The following GUCY1A2 variants were observed in gnomAD, a reference collection of about 807,000 sequenced individuals.
GUCY1A2 encodes guanylate cyclase 1 soluble subunit alpha 2.
Under a neutral mutation model 63.5 loss-of-function variants are expected in GUCY1A2, and 27 were observed. The observed-to-expected ratio is 0.43, with a 90% CI of 0.31 to 0.59. The LOEUF is 0.59. Among genes scored for constraint, GUCY1A2 ranks in the 20% least tolerant of loss-of-function variants. GUCY1A2 has a pLI of 0.11. For missense variants in GUCY1A2, 768 were observed against 913.3 expected (o/e 0.84, Z 2.05); for synonymous variants, 364 against 343.5 (o/e 1.06, Z -0.66).
chr11:106,754,090 C>T (rs1332727044), intron 6 of GUCY1A2, among the ~76,000 whole-genome samples: 5 of 152,102 alleles, frequency 3.3e-5, no homozygotes, highest in African/African-American at 1.2e-4. Flanking sequence ...AAGTTGGATT[C>T]CCAGGTATTT....
At chr11:106,999,013 A>C (rs546956994) in intron 1 of GUCY1A2, among the ~76,000 whole-genome samples, 2 of 152,294 alleles carry the variant, frequency 1.3e-5, no homozygotes, top group East Asian at 3.9e-4. Context: ...TACGTGGCAG[A>C]GTCTTGTGGG....
chr11:106,898,501 A>C (rs1860082056), intron 4 of GUCY1A2, among the ~76,000 whole-genome samples: 1 of 152,184 alleles, frequency 6.6e-6, no homozygotes, highest in African/African-American at 2.4e-5. Flanking sequence ...ATGAAATTTT[A>C]TTCAGTGCTA....
intron 4 of GUCY1A2, among the ~76,000 whole-genome samples, chr11:106,881,542 ATTC>A (rs1194981291): frequency 2.6e-5 from 4 of 152,030 alleles, no homozygotes; most frequent in Non-Finnish European, 4.4e-5. Flanking sequence ...CTTATGGTGT[ATTC>A]TTATTTTAAA....
At chr11:106,995,221 G>A (rs559889656) in intron 1 of GUCY1A2, among the ~76,000 whole-genome samples, 136 of 152,312 alleles carry the variant, frequency 8.9e-4, no homozygotes, top group Non-Finnish European at 1.4e-3. Flanking sequence ...TGTGCTGAGT[G>A]CAACACTGGA....
intron 4 of GUCY1A2, among the ~76,000 whole-genome samples, chr11:106,913,082 G>T (rs930308254): frequency 6.6e-6 from 1 of 151,830 alleles, no homozygotes; most frequent in Admixed American, 6.6e-5. Context: ...AGTTACAAAT[G>T]TAAGTTGATG....
At chr11:106,710,163 CAT>C (rs1295289246) in intron 6 of GUCY1A2, among the ~76,000 whole-genome samples, 4 of 74,208 alleles carry the variant, frequency 5.4e-5, no homozygotes, top group African/African-American at 1.6e-4. Context: ...ATATTATATA[CAT>C]GTATATAATA....
intron 1 of GUCY1A2, among the ~76,000 whole-genome samples, chr11:106,998,171 C>G (rs564509422): frequency 6.6e-6 from 1 of 152,234 alleles, no homozygotes; most frequent in East Asian, 1.9e-4. Flanking sequence ...AGACCTCCAG[C>G]AAAAGACATC....
At chr11:106,902,998 T>C (rs1860155559) in intron 4 of GUCY1A2, among the ~76,000 whole-genome samples, 3 of 152,158 alleles carry the variant, frequency 2.0e-5, no homozygotes, top group African/African-American at 7.2e-5. Flanking sequence ...TATGAATCTA[T>C]GTCTTGCAAA....
chr11:106,963,705 C>A (rs1355480834), intron 3 of GUCY1A2, among the ~76,000 whole-genome samples: 1 of 152,130 alleles, frequency 6.6e-6, no homozygotes, highest in Admixed American at 6.5e-5. Context: ...TTGATGCATT[C>A]ATAGGTGATA....
intron 6 of GUCY1A2, among the ~76,000 whole-genome samples, chr11:106,737,907 A>T (rs1490500665): frequency 6.6e-6 from 1 of 152,166 alleles, no homozygotes; most frequent in East Asian, 1.9e-4. Context: ...TTGGGTATAT[A>T]TCCAGTAATG....
chr11:107,003,678 A>AAT (rs1861636923), intron 1 of GUCY1A2, among the ~76,000 whole-genome samples: 1 of 152,178 alleles, frequency 6.6e-6, no homozygotes, highest in Admixed American at 6.5e-5. Context: ...CTAAATTCAA[A>AAT]ATATCCAAAT....
intron 4 of GUCY1A2, among the ~76,000 whole-genome samples, chr11:106,914,949 C>A (rs1165696466): frequency 6.6e-6 from 1 of 152,008 alleles, no homozygotes; most frequent in Non-Finnish European, 1.5e-5. Flanking sequence ...ACAGAGTGGG[C>A]TGAAACATTT....
At chr11:106,743,650 T>A (rs1863735548) in intron 6 of GUCY1A2, among the ~76,000 whole-genome samples, 1 of 152,346 alleles carries the variant, frequency 6.6e-6, no homozygotes, top group South Asian at 2.1e-4. Context: ...ATACTAATTT[T>A]GTATTTATTT....
chr11:106,824,514 G>A (rs1039259908), intron 4 of GUCY1A2, among the ~76,000 whole-genome samples: 5 of 151,956 alleles, frequency 3.3e-5, no homozygotes, highest in African/African-American at 9.7e-5. Context: ...CCAGTGGTTA[G>A]AAACCACTGT....
chr11:106,917,803 G>A lies in GUCY1A2; in HGVS notation c.1206+21657C>T. 2.1e-5 allele frequency among the ~76,000 whole-genome samples: 2 copies of A among 93,186 alleles called. 1 individual carries two copies. Among genetic ancestry groups the A allele is most frequent in the South Asian group, 1.2e-3 (2 of 1,664 alleles). The allele number at this position is 93,186 out of a possible 152,430, so 61.1% of individuals were successfully genotyped here. ...CACCGGGGCCTGTTGTGGGGTGGGG[G>A]GAGGGGGGAGGGATGGCACTGGGAG... On this transcript the variant is annotated intron_variant, in intron 4 of 7. Transcript: ENST00000526355.
At chr11:106,964,899 G>T (rs563990355) in intron 3 of GUCY1A2, among the ~76,000 whole-genome samples, 1 of 152,244 alleles carries the variant, frequency 6.6e-6, no homozygotes, top group Non-Finnish European at 1.5e-5. Context: ...AGAATGGCAT[G>T]AACCCGGGAG....
intron 5 of GUCY1A2, among the ~76,000 whole-genome samples, chr11:106,777,062 G>A (rs1864370436): frequency 6.6e-6 from 1 of 151,978 alleles, no homozygotes; most frequent in Non-Finnish European, 1.5e-5. Context: ...AAATTGTAAC[G>A]CCTAATGTTT....
intron 4 of GUCY1A2, chr11:106,827,549 C>T (rs1490540403): frequency 6.9e-7 from 1 of 1,457,400 alleles, no homozygotes; most frequent in Non-Finnish European, 9.6e-7. Context: ...TTTGGTTTAG[C>T]TCCAGCACAC....
chr11:106,985,318 T>C (rs988910222), intron 2 of GUCY1A2, among the ~76,000 whole-genome samples: 3 of 152,214 alleles, frequency 2.0e-5, no homozygotes, highest in Admixed American at 1.3e-4. Flanking sequence ...AAAAGCTAGA[T>C]TGCATGAGTA....
Sources: allele counts gnomAD v4.1 joint callset (sites outside exome capture counted in the v4.1 genomes callset), GRCh38; gene constraint gnomAD v4.1.1; transcripts MANE v1.5; gene names NCBI Gene and HGNC (gene_info 2026-07-23, HGNC 2026-07-21).